The following COBL variants were observed in gnomAD, a reference collection of about 807,000 sequenced individuals.
COBL encodes cordon-bleu WH2 repeat protein.
Under a neutral mutation model 98.8 loss-of-function variants are expected in COBL, and 51 were observed. The ratio of observed to expected loss-of-function variants is 0.52; its 90% CI spans 0.41 to 0.65. The LOEUF is 0.65. Ranked by LOEUF, COBL falls within the 30% of genes least tolerant of loss-of-function variation. COBL has a pLI of 0.00. For synonymous variants in COBL, 634 were observed against 651.7 expected (o/e 0.97, Z 0.41); for missense variants, 1,617 against 1,617.5 (o/e 1.00, Z 0.01).
chr7:51,038,798 C>T (rs2128882740), intron 8 of COBL, among the ~76,000 whole-genome samples: 1 of 152,344 alleles, frequency 6.6e-6, no homozygotes, highest in Admixed American at 6.5e-5. Flanking sequence ...ACTCCACTCT[C>T]AGCCTAGAGG....
At chr7:51,088,033 G>A (rs1794449412) in intron 6 of COBL, among the ~76,000 whole-genome samples, 1 of 149,472 alleles carries the variant, frequency 6.7e-6, no homozygotes, top group Non-Finnish European at 1.5e-5. Context: ...CGGATCCAGA[G>A]TGGGGCTCAA....
At chr7:51,105,312 G>T (rs981811197) in intron 6 of COBL, among the ~76,000 whole-genome samples, 1 of 152,168 alleles carries the variant, frequency 6.6e-6, no homozygotes, top group Non-Finnish European at 1.5e-5. Flanking sequence ...AGACAAGGAC[G>T]CACAGGCTCT....
chr7:51,204,245 C>T (rs1791439219), intron 2 of COBL, among the ~76,000 whole-genome samples: 1 of 152,148 alleles, frequency 6.6e-6, no homozygotes, highest in African/African-American at 2.4e-5. Flanking sequence ...AAACCATATA[C>T]AAAAAGCTCA....
chr7:51,205,157 G>A (rs1265550734), intron 2 of COBL, among the ~76,000 whole-genome samples: 1 of 152,034 alleles, frequency 6.6e-6, no homozygotes, highest in African/African-American at 2.4e-5. Flanking sequence ...AAACAGAGAA[G>A]AAACAATGCA....
intron 1 of COBL, chr7:51,259,640 C>T: frequency 1.4e-6 from 1 of 728,316 alleles, no homozygotes. Context: ...CAAAATTCCC[C>T]TGGTGCTCCT....
intron 4 of COBL, among the ~76,000 whole-genome samples, chr7:51,185,408 A>T (rs938756538): frequency 6.6e-6 from 1 of 152,292 alleles, no homozygotes; most frequent in Non-Finnish European, 1.5e-5. Flanking sequence ...TGTGAGGCAC[A>T]CTTCGGAAAA....
At chr7:51,145,482 G>C (rs1784942470) in intron 5 of COBL, among the ~76,000 whole-genome samples, 2 of 151,660 alleles carry the variant, frequency 1.3e-5, no homozygotes, top group African/African-American at 2.4e-5. Context: ...CCGGGTTCAA[G>C]CTTCTCCTGC....
intron 6 of COBL, among the ~76,000 whole-genome samples, chr7:51,124,808 C>T (rs763131062): frequency 1.0e-3 from 127 of 123,788 alleles, no homozygotes; most frequent in South Asian, 1.8e-3. Context: ...AATTTTTTTT[C>T]TTTCTTTCTT....
intron 2 of COBL, among the ~76,000 whole-genome samples, chr7:51,212,173 GAAT>G (rs1430673093): frequency 6.6e-6 from 1 of 152,064 alleles, no homozygotes; most frequent in Non-Finnish European, 1.5e-5. Flanking sequence ...AAACTTAATA[GAAT>G]TATTATACTT....
intron 1 of COBL, among the ~76,000 whole-genome samples, chr7:51,306,577 G>C (rs865915783): frequency 6.6e-6 from 1 of 152,282 alleles, no homozygotes. Context: ...GCCAGTATCA[G>C]GCAGAACATC....
intron 9 of COBL, among the ~76,000 whole-genome samples, chr7:51,030,394 C>T (rs1002717109): frequency 1.3e-5 from 2 of 152,180 alleles, no homozygotes; most frequent in Admixed American, 6.5e-5. Flanking sequence ...CCATGAGATG[C>T]TCCATTATAA....
intron 1 of COBL, among the ~76,000 whole-genome samples, chr7:51,288,231 C>T (rs1159712321): frequency 6.6e-6 from 1 of 151,198 alleles, no homozygotes; most frequent in East Asian, 1.9e-4. Flanking sequence ...TTCAGGAGTT[C>T]GAGATCAGCC....
rs549295251 is a variant in COBL, at chr7:51,159,130, G to A, written c.784-22799C>T. On this transcript the variant is annotated intron_variant, in intron 5 of 12. Transcript: ENST00000265136. ...GCGTTGCAGGCTCTCTGCAGCCCCC[G>A]GCCGCGCGCACCTGGCGGCCGCGCG... 4.8e-3 allele frequency among the ~76,000 whole-genome samples: 727 copies of A among 152,258 alleles called. 6 individuals carry two copies. The highest frequency in any genetic ancestry group is 0.017 in the African/African-American group (692 of 41,550).
intron 1 of COBL, among the ~76,000 whole-genome samples, chr7:51,287,348 C>T (rs1800460858): frequency 6.6e-6 from 1 of 152,106 alleles, no homozygotes; most frequent in South Asian, 2.1e-4. Context: ...AGATTTCCCC[C>T]AAAAAGACAT....
intron 1 of COBL, among the ~76,000 whole-genome samples, chr7:51,304,977 G>T (rs1802322893): frequency 6.6e-6 from 1 of 152,112 alleles, no homozygotes. Flanking sequence ...CCAGAGAGCT[G>T]CAAACCAGCC....
intron 1 of COBL, among the ~76,000 whole-genome samples, chr7:51,252,781 G>GT (rs1478115622): frequency 6.6e-6 from 1 of 152,054 alleles, no homozygotes; most frequent in Non-Finnish European, 1.5e-5. Flanking sequence ...CAATGTAATG[G>GT]TTTTTTTCTC....
chr7:51,315,863 G>A (rs954356995), intron 1 of COBL, among the ~76,000 whole-genome samples: 5 of 152,100 alleles, frequency 3.3e-5, no homozygotes, highest in South Asian at 4.1e-4. Context: ...ACAGAAACCG[G>A]GAGAGGTTTG....
rs962825542 is a variant in COBL at position 51,156,335 on chromosome 7, T to G, written c.784-20004A>C. On this transcript the variant is annotated intron_variant, in intron 5 of 12. Transcript: ENST00000265136. ...GACAGTAGTTATTCTTGTCCAAGTT[T>G]ATCAAATTATCTCAGTTTGAAGCTC... 18 of 985,284 alleles carry G rather than the reference T, an allele frequency of 1.8e-5. No individual in the cohort carries two copies. In the African/African-American group the frequency reaches 3.0e-4, roughly 16 times the overall value. 61.0% of individuals were successfully genotyped at this position (985,284 alleles called of 1,614,324 possible). A position where few individuals can be genotyped will look rare whatever the true frequency, so the allele number is the denominator to read the frequency against.
intron 1 of COBL, among the ~76,000 whole-genome samples, chr7:51,291,834 C>A (rs1800930938): frequency 6.6e-6 from 1 of 152,092 alleles, no homozygotes; most frequent in South Asian, 2.1e-4. Context: ...GAATGGGGAG[C>A]TTTTGCCTTA....
Sources: gnomAD v4.1 joint callset for allele counts (sites outside exome capture counted in the v4.1 genomes callset) on GRCh38, gnomAD v4.1.1 for gene constraint, MANE v1.5 for transcripts, NCBI Gene and HGNC (gene_info 2026-07-23, HGNC 2026-07-21) for gene names.